Variants in MINK1 observed in about 807,000 individuals in gnomAD.
The protein encoded by MINK1 is misshapen like kinase 1, also known as misshapen-like kinase 1.
Under a neutral mutation model 178.4 loss-of-function variants are expected in MINK1, and 46 were observed. The observed-to-expected ratio is 0.26, with a 90% CI of 0.20 to 0.33. The LOEUF (loss-of-function observed/expected upper bound fraction) is 0.33, where lower values mean the gene tolerates loss of function less well. Ranked by LOEUF, MINK1 falls within the 10% of genes least tolerant of loss-of-function variation. MINK1 has a pLI of 1.00. For missense variants in MINK1, 1,366 were observed against 1,814.9 expected (o/e 0.75, Z 4.49); for synonymous variants, 797 against 709.7 (o/e 1.12, Z -1.96).
intron 15 of MINK1, 76 bp downstream of exon 15, chr17:4,891,200 GCACACACACACA>G (rs3081308): frequency 6.0e-6 from 6 of 1,004,214 alleles, no homozygotes; most frequent in East Asian, 2.8e-5. Context: ...ACACACGCGC[GCACACACACACA>G]CACACACACA....
chr17:4,894,613 G>T lies in MINK1; in HGVS notation c.2897G>T (p.Gly966Val). Residue 966 changes from glycine (G) to valine (V), a missense_variant, in exon 24 of 32, where the codon GGG (glycine) becomes GTG (valine). Physicochemically the swap from Gly to Val is moderately radical, Grantham distance 109. Around this residue, in one of 14 missense-constraint regions of MINK1, gnomAD observed 709 missense variants for 692.3 expected, o/e 1.02. Transcript: ENST00000355280. The surrounding 1 kb of genome is among the most constrained non-coding windows in gnomAD (Gnocchi z 4.1). Reference sequence around the variant, plus strand: ...GGGATCTACCAGCCTGGAGGCAGTGGGGACAGCATCCCCATCACAGGTGAG... The same window carrying T: ...GGGATCTACCAGCCTGGAGGCAGTGTGGACAGCATCCCCATCACAGGTGAG... ...DLGIYQPGGS[G>V]DSIPITALVG... 1 of 1,606,056 alleles carries T rather than the reference G, an allele frequency of 6.2e-7. No homozygotes were observed. Among genetic ancestry groups the T allele is most frequent in the Non-Finnish European group, 8.5e-7 (1 of 1,176,178 alleles).
chr17:4,852,327 C>T (rs1912126823), intron 1 of MINK1, among the ~76,000 whole-genome samples: 1 of 152,036 alleles, frequency 6.6e-6, no homozygotes, highest in Non-Finnish European at 1.5e-5. Context: ...CCCTGACCTC[C>T]AAGAACTTAG....
chr17:4,861,313 G>A (rs1567577316), intron 1 of MINK1, among the ~76,000 whole-genome samples: 1 of 152,126 alleles, frequency 6.6e-6, no homozygotes, highest in African/African-American at 2.4e-5. Flanking sequence ...ATCACTGTTG[G>A]CTCTTCATAG....
Position 4,882,815 on chromosome 17 carries a change from A to G in MINK1, c.307-1548A>G, listed in dbSNP as rs867752253. Among the ~76,000 whole-genome samples the G allele has an allele frequency of 2.6e-5, 4 of 152,104 alleles. No homozygotes were observed. The South Asian group carries it at 6.2e-4, about 24-fold the overall frequency. On this transcript the variant is annotated intron_variant, in intron 4 of 31. Transcript: ENST00000355280. ...GATTCCTTTTTTTGTTTTTTCCCGC[A>G]ACCATTTAAAAATGTAAAACCCAGG...
At chr17:4,861,928 A>G (rs1026336286) in intron 1 of MINK1, among the ~76,000 whole-genome samples, 1 of 152,226 alleles carries the variant, frequency 6.6e-6, no homozygotes, top group African/African-American at 2.4e-5. Flanking sequence ...ACTATGCGAC[A>G]ATAGTCGTTT....
At chr17:4,884,744 A>G (rs892367071) in intron 5 of MINK1, among the ~76,000 whole-genome samples, 168 bp from the exon 6 acceptor site, 2 of 152,268 alleles carry the variant, frequency 1.3e-5, no homozygotes, top group Non-Finnish European at 2.9e-5. Flanking sequence ...TCTCTGAGGA[A>G]GCTCTCCAGG....
chr17:4,861,994 G>T (rs116622095), intron 1 of MINK1, among the ~76,000 whole-genome samples: 78 of 152,298 alleles, frequency 5.1e-4, no homozygotes, highest in African/African-American at 1.9e-3. Context: ...TTTCATTCGG[G>T]CACCCATCTC....
intron 1 of MINK1, among the ~76,000 whole-genome samples, chr17:4,846,945 A>G (rs1200523424): frequency 6.6e-6 from 1 of 152,224 alleles, no homozygotes; most frequent in East Asian, 1.9e-4. Context: ...AGTCCCCACC[A>G]GAAACAGAGA....
chr17:4,897,005 CCA>C, intron 31 of MINK1, 192 bp downstream of exon 31: 1 of 957,988 alleles, frequency 1.0e-6, no homozygotes, highest in Non-Finnish European at 1.5e-6. Context: ...CAGCTGGCCC[CCA>C]GGGGGCGAGT....
intron 1 of MINK1, chr17:4,847,328 T>G: frequency 1.2e-5 from 5 of 431,822 alleles, no homozygotes; most frequent in Admixed American, 2.4e-5. Context: ...ATCCTCTGCC[T>G]CCTCGGTTCA....
At chr17:4,888,051 A>T (rs1274172355) in intron 12 of MINK1, among the ~76,000 whole-genome samples, 1 of 152,162 alleles carries the variant, frequency 6.6e-6, no homozygotes, top group Non-Finnish European at 1.5e-5. Context: ...CCCCATCTCT[A>T]CTAATAATAC....
rs1249991257 is a variant in MINK1 at position 4,895,876 on chromosome 17, A to C, written c.3364+44A>C. 1.9e-6 allele frequency: 3 copies of C among 1,602,048 alleles called. No individual in the cohort carries two copies. The highest frequency in any genetic ancestry group is 2.6e-6 in the Non-Finnish European group (3 of 1,172,762). Reference sequence around the variant, plus strand: ...AGTGGCCAGCGCATACTTGTTCATGAAGAGAGAAATGGATCTGGGAGCCAG... The same window carrying C: ...AGTGGCCAGCGCATACTTGTTCATGCAGAGAGAAATGGATCTGGGAGCCAG... On this transcript the variant is annotated intron_variant, in intron 27 of 31. Coordinates refer to ENST00000355280, the MANE Select transcript of MINK1 (RefSeq NM_153827.5). This position sits in a 1 kb window ranked among gnomAD's most constrained non-coding sequence, Gnocchi z 4.3.
At chr17:4,848,998 C>T (rs967505421) in intron 1 of MINK1, among the ~76,000 whole-genome samples, 3 of 152,074 alleles carry the variant, frequency 2.0e-5, no homozygotes, top group Admixed American at 1.3e-4. Context: ...TTCCTCTCCC[C>T]CTGACTTAGT....
Position 4,887,166 on chromosome 17 carries a change from G to C in MINK1, c.1006G>C (p.Glu336Gln). The C allele has an allele frequency of 4.4e-6, 7 of 1,604,562 alleles. No individual in the cohort carries two copies. The highest frequency in any genetic ancestry group is 6.0e-6 in the Non-Finnish European group (7 of 1,175,770). Reference sequence around the variant, plus strand: ...GGAGGAAGATGACAGCCATGGAGAGGAAGGAGAGCCAAGGTAGGCCTGGCA... The same window carrying C: ...GGAGGAAGATGACAGCCATGGAGAGCAAGGAGAGCCAAGGTAGGCCTGGCA... ...SEEEDDSHGEEGEPSSIMNVP... is the reference protein window; with the variant it reads ...SEEEDDSHGEQGEPSSIMNVP... Residue 336 changes from glutamate (E) to glutamine (Q), a missense_variant, in exon 11 of 32, where the codon GAA becomes CAA. Around this residue, in one of 14 missense-constraint regions of MINK1, gnomAD observed 56 missense variants for 64.0 expected, o/e 0.87. Coordinates refer to ENST00000355280, the MANE Select transcript of MINK1 (RefSeq NM_153827.5). The surrounding 1 kb of genome is among the most constrained non-coding windows in gnomAD (Gnocchi z 7.6).
rs1392972454 is a variant in MINK1 at position 4,890,746 on chromosome 17, C to A, written c.1566+11C>A. On this transcript the variant is annotated intron_variant, in intron 14 of 31. Transcript: ENST00000355280. Reference sequence around the variant, plus strand: ...GCCTGGGCCCGAGAGGTACTCACTGCCTCCTTTGCCTCCTGAGACTGCAGT... The same window carrying A: ...GCCTGGGCCCGAGAGGTACTCACTGACTCCTTTGCCTCCTGAGACTGCAGT... 6.5e-7 allele frequency: 1 copy of A among 1,540,956 alleles called. No homozygotes were observed. Among genetic ancestry groups the A allele is most frequent in the East Asian group, 2.5e-5 (1 of 40,682 alleles).
At chr17:4,860,715 C>A in intron 1 of MINK1, 1 of 519,970 alleles carries the variant, frequency 1.9e-6, no homozygotes, top group Non-Finnish European at 3.8e-6. Context: ...AGCAAGGGCT[C>A]AAGGCTGGTG....
At chr17:4,891,251 A>G in intron 15 of MINK1, 127 bp downstream of exon 15, 1 of 1,167,324 alleles carries the variant, frequency 8.6e-7, no homozygotes, top group Non-Finnish European at 1.2e-6. Context: ...CCAGGATTAC[A>G]GAGCACAGGC....
chr17:4,877,687 G>A (rs933100451), intron 1 of MINK1, among the ~76,000 whole-genome samples: 4 of 151,332 alleles, frequency 2.6e-5, no homozygotes, highest in African/African-American at 9.7e-5. Flanking sequence ...AACCCCAGAG[G>A]AAGGTACTCG....
At chr17:4,854,564 A>AGTGT (rs1258406151) in intron 1 of MINK1, among the ~76,000 whole-genome samples, 1 of 152,166 alleles carries the variant, frequency 6.6e-6, no homozygotes, top group Non-Finnish European at 1.5e-5. Context: ...CCTGCAAGTC[A>AGTGT]GTGTGTGTGT....
Sources: gnomAD v4.1 joint callset for allele counts (sites outside exome capture counted in the v4.1 genomes callset) on GRCh38, gnomAD v4.1.1 for gene constraint, gnomAD v4.1.1 regional missense constraint, Gnocchi (gnomAD v3.1) non-coding constraint, MANE v1.5 for transcripts, NCBI Gene and HGNC (gene_info 2026-07-23, HGNC 2026-07-21) for gene names.